Variants in FOXP1 observed in about 807,000 individuals in gnomAD.
The protein encoded by FOXP1 is forkhead box P1, also known as forkhead box protein P1.
FOXP1 carries 15 observed loss-of-function variants against 98.2 expected under a neutral mutation model. The ratio of observed to expected loss-of-function variants is 0.15; its 90% confidence interval spans 0.10 to 0.24. The LOEUF is 0.24. FOXP1 is among the 10% of genes least tolerant of loss of function. FOXP1 has a pLI of 1.00. For synonymous variants in FOXP1, 371 were observed against 314.5 expected, an observed-to-expected ratio of 1.18 and a Z score of -1.90; for missense variants, 633 against 848.5, an observed-to-expected ratio of 0.75 and a Z score of 3.15.
chr3:71,307,603 T>C (rs1433696423), intron 4 of FOXP1, among the ~76,000 whole-genome samples: 1 of 152,184 alleles, frequency 6.6e-6, no homozygotes, highest in Non-Finnish European at 1.5e-5. Context: ...CCCAGGTCCA[T>C]AGACAATAGT....
At chr3:71,446,064 AGTG>A (rs1560498835) in intron 3 of FOXP1, among the ~76,000 whole-genome samples, 1 of 151,902 alleles carries the variant, frequency 6.6e-6, no homozygotes, top group African/African-American at 2.4e-5. Flanking sequence ...TGAGTGAGTG[AGTG>A]AGTGAGTGAG....
In FOXP1 at chr3:71,207,377, C is replaced by T. The variant is rs562770718; in HGVS notation, c.-11-8985G>A. ...TCCCGCTTTGGCTCAAGCCCCTCACCGCTCTAGTGGCCAAAGTGAACAATA... is the reference window on the plus strand; with the variant it reads ...TCCCGCTTTGGCTCAAGCCCCTCACTGCTCTAGTGGCCAAAGTGAACAATA... On this transcript the variant is annotated intron_variant, in intron 5 of 20. Coordinates refer to ENST00000649528, the MANE Select transcript of FOXP1 (RefSeq NM_001349338.3). Among the ~76,000 whole-genome samples the T allele has an allele frequency of 2.3e-4, 35 of 152,112 alleles. 1 individual carries two copies. The highest frequency in any genetic ancestry group is 1.7e-3 in the Admixed American group (26 of 15,276).
chr3:71,055,575 T>TCA (rs2050510925), intron 7 of FOXP1, among the ~76,000 whole-genome samples: 2 of 152,196 alleles, frequency 1.3e-5, no homozygotes, highest in South Asian at 4.1e-4. Context: ...GAACTCGCAT[T>TCA]CAGTTTAGGG....
chr3:71,200,710 G>A (rs1210673086), intron 5 of FOXP1, among the ~76,000 whole-genome samples: 1 of 152,184 alleles, frequency 6.6e-6, no homozygotes, highest in Admixed American at 6.5e-5. Flanking sequence ...TCCAATTGTG[G>A]AAGGACATAT....
At chr3:71,047,194 A>G (rs1432960661) in intron 9 of FOXP1, 99 bp from the exon 10 acceptor site, 3 of 1,412,090 alleles carry the variant, frequency 2.1e-6, no homozygotes, top group African/African-American at 1.4e-5. Context: ...AATGCTGAGA[A>G]TGGTCACTGG....
intron 5 of FOXP1, among the ~76,000 whole-genome samples, chr3:71,231,881 A>T (rs967392501): frequency 6.6e-6 from 1 of 152,278 alleles, no homozygotes; most frequent in Non-Finnish European, 1.5e-5. Context: ...AAGGGCAAAG[A>T]GTTCATACTT....
chr3:71,082,247 C>A (rs2054508693), intron 7 of FOXP1, among the ~76,000 whole-genome samples: 1 of 150,346 alleles, frequency 6.7e-6, no homozygotes, highest in Non-Finnish European at 1.5e-5. Context: ...CCACCGCACT[C>A]CAGCCTGGGT....
chr3:71,189,312 A>T (rs958981735), intron 6 of FOXP1, among the ~76,000 whole-genome samples: 4 of 152,222 alleles, frequency 2.6e-5, no homozygotes, highest in African/African-American at 9.7e-5. Context: ...AGCCCATTCC[A>T]TGATCAATGG....
chr3:71,265,771 A>G (rs2069583514), intron 5 of FOXP1, among the ~76,000 whole-genome samples: 1 of 152,184 alleles, frequency 6.6e-6, no homozygotes, highest in Admixed American at 6.5e-5. Context: ...AGAACTGATA[A>G]GAGTATGAAG....
chr3:71,067,638 C>T (rs962845155), intron 7 of FOXP1, among the ~76,000 whole-genome samples: 3 of 151,782 alleles, frequency 2.0e-5, no homozygotes, highest in African/African-American at 4.8e-5. Flanking sequence ...GGCTCATACT[C>T]ATAATCCCAG....
At chr3:71,391,434 C>G (rs2081022479) in intron 3 of FOXP1, among the ~76,000 whole-genome samples, 2 of 152,156 alleles carry the variant, frequency 1.3e-5, no homozygotes, top group African/African-American at 4.8e-5. Flanking sequence ...CAAATTCTCC[C>G]ACCTCCAAAA....
At chr3:71,372,851 A>T (rs914345570) in intron 3 of FOXP1, among the ~76,000 whole-genome samples, 1 of 152,182 alleles carries the variant, frequency 6.6e-6, no homozygotes, top group Non-Finnish European at 1.5e-5. Flanking sequence ...CAGGCATCAG[A>T]AATTGACTTG....
At chr3:71,465,503 G>A (rs1380901276) in intron 3 of FOXP1, among the ~76,000 whole-genome samples, 4 of 152,068 alleles carry the variant, frequency 2.6e-5, no homozygotes, top group Admixed American at 6.6e-5. Context: ...AACCTAAGCC[G>A]TCTAACTCCC....
intron 3 of FOXP1, among the ~76,000 whole-genome samples, chr3:71,426,097 A>G (rs2084130365): frequency 6.6e-6 from 1 of 152,168 alleles, no homozygotes; most frequent in Non-Finnish European, 1.5e-5. Context: ...TTGAAAGAGG[A>G]TATTAACTTG....
At chr3:71,390,819 T>C (rs1230607740) in intron 3 of FOXP1, among the ~76,000 whole-genome samples, 1 of 152,184 alleles carries the variant, frequency 6.6e-6, no homozygotes, top group Non-Finnish European at 1.5e-5. Context: ...GTTCAAATTC[T>C]TGTGCAGTGC....
At chr3:71,517,097 T>C (rs1003165185) in intron 2 of FOXP1, among the ~76,000 whole-genome samples, 1 of 152,180 alleles carries the variant, frequency 6.6e-6, no homozygotes, top group Non-Finnish European at 1.5e-5. Flanking sequence ...AAACAACCCA[T>C]ACTTTAATAC....
At chr3:71,204,280 G>A (rs558255620) in intron 5 of FOXP1, among the ~76,000 whole-genome samples, 3 of 152,296 alleles carry the variant, frequency 2.0e-5, no homozygotes, top group South Asian at 4.1e-4. Context: ...TCAAGCAAAC[G>A]AACTGGTTCC....
intron 5 of FOXP1, among the ~76,000 whole-genome samples, chr3:71,299,246 C>A (rs2073630695): frequency 6.6e-6 from 1 of 152,150 alleles, no homozygotes; most frequent in African/African-American, 2.4e-5. Context: ...ATTTTAAAAT[C>A]AAGTACTCAT....
At chr3:71,032,468 AT>A (rs1307222948) in intron 11 of FOXP1, among the ~76,000 whole-genome samples, 1 of 152,182 alleles carries the variant, frequency 6.6e-6, no homozygotes, top group Non-Finnish European at 1.5e-5. Flanking sequence ...CATATTAACA[AT>A]TTCCCTTTGT....
Sources: gnomAD v4.1 joint callset for allele counts (sites outside exome capture counted in the v4.1 genomes callset) on GRCh38, gnomAD v4.1.1 for gene constraint, MANE v1.5 for transcripts, NCBI Gene and HGNC (gene_info 2026-07-23, HGNC 2026-07-21) for gene names.